Variants in GPM6A observed in about 807,000 individuals in gnomAD.
The protein encoded by GPM6A is neuronal membrane glycoprotein M6-a.
A neutral mutation model predicts 32.1 loss-of-function variants in GPM6A; 7 were observed. That is an observed-to-expected ratio of 0.22 (90% CI 0.12 to 0.41). The LOEUF (loss-of-function observed/expected upper bound fraction) is 0.41. GPM6A is among the 10% of genes least tolerant of loss of function. GPM6A has a pLI of 1.00. For missense variants in GPM6A, 235 were observed against 347.2 expected (o/e 0.68, Z 2.57); for synonymous variants, 130 against 123.4 (o/e 1.05, Z -0.35).
At chr4:175,642,465 T>C (rs1157048271) in intron 4 of GPM6A, among the ~76,000 whole-genome samples, 1 of 152,198 alleles carries the variant, frequency 6.6e-6, no homozygotes, top group Non-Finnish European at 1.5e-5. Context: ...GATTTTGCCC[T>C]AACCCCCCTC....
intron 1 of GPM6A, among the ~76,000 whole-genome samples, chr4:175,763,637 TCTTTA>T (rs1267393111): frequency 6.6e-6 from 1 of 152,166 alleles, no homozygotes; most frequent in African/African-American, 2.4e-5. Context: ...AATAGTAGGC[TCTTTA>T]CTTAACAATA....
intron 1 of GPM6A, among the ~76,000 whole-genome samples, chr4:175,885,756 C>G (rs1301721830): frequency 6.6e-6 from 1 of 152,132 alleles, no homozygotes; most frequent in East Asian, 1.9e-4. Context: ...TTATAAAATT[C>G]TAGTCTTAAT....
intron 1 of GPM6A, among the ~76,000 whole-genome samples, chr4:175,948,163 ATAT>A (rs1234985149): frequency 6.6e-6 from 1 of 152,182 alleles, no homozygotes; most frequent in East Asian, 1.9e-4. Flanking sequence ...TTTTGCTCCA[ATAT>A]TATGATACCC....
chr4:175,746,767 C>T (rs2643988), intron 1 of GPM6A, among the ~76,000 whole-genome samples: 127,385 of 151,980 alleles, frequency 0.84, 54,775 homozygotes, highest in Non-Finnish European at 0.94. Context: ...ACCTTAAATG[C>T]TAGACATAAG....
intron 1 of GPM6A, among the ~76,000 whole-genome samples, chr4:175,757,881 C>T (rs1175618067): frequency 1.3e-5 from 2 of 152,126 alleles, no homozygotes; most frequent in Non-Finnish European, 2.9e-5. Context: ...CAGATAATAA[C>T]ATGTTTGAAC....
At chr4:175,727,002 TA>T (rs1421577545) in intron 1 of GPM6A, among the ~76,000 whole-genome samples, 6 of 152,020 alleles carry the variant, frequency 3.9e-5, no homozygotes, top group Admixed American at 1.3e-4. Context: ...TCTCAATACA[TA>T]AATAAATAAA....
At chr4:175,804,984 G>A (rs1054199839) in intron 1 of GPM6A, among the ~76,000 whole-genome samples, 1 of 152,130 alleles carries the variant, frequency 6.6e-6, no homozygotes. Flanking sequence ...GGTCGAGCTT[G>A]CAGTGAGCCA....
intron 1 of GPM6A, among the ~76,000 whole-genome samples, chr4:175,941,066 A>G (rs1739390075): frequency 6.6e-6 from 1 of 152,190 alleles, no homozygotes; most frequent in Admixed American, 6.5e-5. Flanking sequence ...ATTAAGAAAT[A>G]CTGTTTTTTA....
At chr4:175,776,677 C>G (rs374766880) in intron 1 of GPM6A, among the ~76,000 whole-genome samples, 8 of 152,080 alleles carry the variant, frequency 5.3e-5, no homozygotes, top group African/African-American at 1.9e-4. Flanking sequence ...TTTTTCCTAG[C>G]GACGTTTTAA....
chr4:175,688,993 C>T (rs1307508493), intron 2 of GPM6A, among the ~76,000 whole-genome samples: 1 of 152,170 alleles, frequency 6.6e-6, no homozygotes, highest in Non-Finnish European at 1.5e-5. Context: ...GCTTGGACTA[C>T]AGGCAGGCAC....
Position 175,896,175 on chromosome 4 carries a change from T to C in GPM6A, c.-22-83926A>G, listed in dbSNP as rs947555121. Among the ~76,000 whole-genome samples, 3 of 152,098 alleles carry C rather than the reference T, an allele frequency of 2.0e-5. No homozygotes were observed. The South Asian group carries it at 6.2e-4, about 32-fold the overall frequency. On this transcript the variant is annotated intron_variant, in intron 1 of 7. Transcript: ENST00000280187. ...TAGACTTTTATCTTTTGGGGAAGCT[T>C]TACATTTCAGGATGATGAAGTCTCA...
chr4:175,891,533 T>G (rs941848788), intron 1 of GPM6A: 2 of 152,272 alleles, frequency 1.3e-5, no homozygotes, highest in African/African-American at 4.8e-5. Context: ...CGCTTTCTTA[T>G]GATGTGCATT....
chr4:175,826,807 T>C (rs1735453173), intron 1 of GPM6A, among the ~76,000 whole-genome samples: 1 of 151,932 alleles, frequency 6.6e-6, no homozygotes, highest in South Asian at 2.1e-4. Context: ...AATGGAGAGA[T>C]CACTAGCCTT....
chr4:175,968,224 A>C (rs1740390501), intron 1 of GPM6A, among the ~76,000 whole-genome samples: 1 of 152,180 alleles, frequency 6.6e-6, no homozygotes, highest in Non-Finnish European at 1.5e-5. Context: ...TCCATAGGCA[A>C]AAAAAGAACG....
intron 1 of GPM6A, among the ~76,000 whole-genome samples, chr4:175,808,363 A>G (rs1560944404): frequency 6.6e-6 from 1 of 152,236 alleles, no homozygotes; most frequent in African/African-American, 2.4e-5. Flanking sequence ...GTCAACAATA[A>G]TTGTACAGTA....
chr4:175,711,485 AAT>A (rs1324511442), intron 1 of GPM6A, among the ~76,000 whole-genome samples: 2 of 126,120 alleles, frequency 1.6e-5, no homozygotes, highest in African/African-American at 6.1e-5. Context: ...TGTATATATA[AAT>A]ATAATATATT....
Position 175,936,306 on chromosome 4 carries a change from C to CAAAAAAAAAAA in GPM6A, c.-23+65992_-23+66002dup, listed in dbSNP as rs35653197. On this transcript the variant is annotated intron_variant, in intron 1 of 7. Transcript: ENST00000280187. ...GGGCGACACAGCGAGACTCTGTCTC[C>CAAAAAAAAAAA]AAAAAAAAAAAAAAAAAAAAAAAAA... is the stretch of plus-strand genomic sequence containing the variant. Among the ~76,000 whole-genome samples, 32 of 45,602 alleles carry CAAAAAAAAAAA rather than the reference C, an allele frequency of 7.0e-4. 1 individual carries two copies. The highest frequency in any genetic ancestry group is 0.033 in the Middle Eastern group (1 of 30). 29.9% of individuals were successfully genotyped at this position (45,602 alleles called of 152,430 possible).
intron 1 of GPM6A, among the ~76,000 whole-genome samples, chr4:175,804,308 T>G (rs542131976): frequency 6.6e-5 from 10 of 152,222 alleles, no homozygotes; most frequent in Non-Finnish European, 1.3e-4. Context: ...GAAAAATAAA[T>G]TTTTAACTAG....
chr4:175,648,913 T>G (rs1412459091), intron 4 of GPM6A, among the ~76,000 whole-genome samples: 1 of 152,194 alleles, frequency 6.6e-6, no homozygotes, highest in Non-Finnish European at 1.5e-5. Flanking sequence ...AATTCCCCAT[T>G]GAAAGTAATC....
Sources: allele counts gnomAD v4.1 joint callset (sites outside exome capture counted in the v4.1 genomes callset), GRCh38; gene constraint gnomAD v4.1.1; transcripts MANE v1.5; gene names NCBI Gene and HGNC (gene_info 2026-07-23, HGNC 2026-07-21).